Variants in ACO2 observed in about 807,000 individuals in gnomAD.
The protein encoded by ACO2 is aconitate hydratase, mitochondrial.
Under a neutral mutation model 84.5 loss-of-function variants are expected in ACO2, and 31 were observed. The observed-to-expected ratio is 0.37, with a 90% CI of 0.28 to 0.50. ACO2 has a LOEUF of 0.50. Ranked by LOEUF, ACO2 falls within the 20% of genes least tolerant of loss-of-function variation. ACO2 has a pLI of 0.97. For synonymous variants in ACO2, 414 were observed against 412.7 expected (o/e 1.00, Z -0.04); for missense variants, 685 against 1,029.3 (o/e 0.67, Z 4.58).
chr22:41,487,952 C>A (rs779489570), intron 1 of ACO2, among the ~76,000 whole-genome samples: 7 of 152,152 alleles, frequency 4.6e-5, no homozygotes, highest in Non-Finnish European at 8.8e-5. Context: ...TTCAGCAAAT[C>A]CTACTATTAT....
intron 1 of ACO2, among the ~76,000 whole-genome samples, chr22:41,478,783 T>TC (rs1161353453): frequency 3.5e-4 from 53 of 150,056 alleles, no homozygotes; most frequent in African/African-American, 1.2e-3. Flanking sequence ...TTTTTTTTTT[T>TC]TGAGAAGGAG....
intron 17 of ACO2, 24 bp downstream of exon 17, chr22:41,528,046 G>A: frequency 6.2e-7 from 1 of 1,613,894 alleles, no homozygotes; most frequent in South Asian, 1.1e-5. Flanking sequence ...GTCCCCCTGA[G>A]GTGGTGGGGT....
At chr22:41,477,975 G>C (rs1015440742) in intron 1 of ACO2, among the ~76,000 whole-genome samples, 87 of 151,652 alleles carry the variant, frequency 5.7e-4, no homozygotes, top group Admixed American at 4.9e-3. Flanking sequence ...TGAGGCAGAA[G>C]AATCGCTTGA....
chr22:41,473,986 A>G lies in ACO2; in HGVS notation c.36+4804A>G, dbSNP rs547955700. ...AGTGAAAACTGGGAGATTTTAAGCCAGGGAGTGATGTGATCTGATCATCTG... is the reference window on the plus strand; with the variant it reads ...AGTGAAAACTGGGAGATTTTAAGCCGGGGAGTGATGTGATCTGATCATCTG... On this transcript the variant is annotated intron_variant, in intron 1 of 17. Transcript: ENST00000216254. 2.0e-5 allele frequency among the ~76,000 whole-genome samples: 3 copies of G among 152,238 alleles called. No individual in the cohort carries two copies. The East Asian group carries it at 5.8e-4, about 29-fold the overall frequency.
chr22:41,474,289 A>AT (rs755814518), intron 1 of ACO2, among the ~76,000 whole-genome samples: 8,661 of 119,154 alleles, frequency 0.073, 1,069 homozygotes, highest in East Asian at 0.43. Context: ...GTTTGCAGTC[A>AT]TTTTTTTTTT....
intron 1 of ACO2, among the ~76,000 whole-genome samples, chr22:41,480,005 A>G (rs2038068485): frequency 6.6e-6 from 1 of 152,230 alleles, no homozygotes; most frequent in Non-Finnish European, 1.5e-5. Flanking sequence ...AAAGGACTGC[A>G]TCACTTTTGT....
chr22:41,499,680 C>T, intron 1 of ACO2, 46 bp from the exon 2 acceptor site: 1 of 1,599,624 alleles, frequency 6.3e-7, no homozygotes. Context: ...GGGATGGACT[C>T]TCCTAAGTGC....
intron 1 of ACO2, among the ~76,000 whole-genome samples, chr22:41,477,518 G>T (rs976189558): frequency 6.6e-6 from 1 of 152,028 alleles, no homozygotes; most frequent in Non-Finnish European, 1.5e-5. Context: ...TTGGAGCCAG[G>T]CCTGGAATTC....
chr22:41,472,032 T>TG (rs2037951921), intron 1 of ACO2, among the ~76,000 whole-genome samples: 2 of 152,234 alleles, frequency 1.3e-5, no homozygotes, highest in Admixed American at 6.5e-5. Flanking sequence ...GAACCCTGCC[T>TG]GGTACTTAAT....
At chr22:41,484,692 T>C (rs2038130408) in intron 1 of ACO2, among the ~76,000 whole-genome samples, 1 of 152,036 alleles carries the variant, frequency 6.6e-6, no homozygotes, top group African/African-American at 2.4e-5. Flanking sequence ...ATACTTGCTA[T>C]TCTTTGGGAA....
chr22:41,517,742 C>T lies in ACO2; in HGVS notation c.940+111C>T. On this transcript the variant is annotated intron_variant, in intron 7 of 17. Coordinates refer to ENST00000216254, the MANE Select transcript of ACO2 (RefSeq NM_001098.3). ...GCAGGGGTTCTTAACCCATTGTCTC[C>T]AGACAGGCGTCCGAGGCTCTGAGAA... 4 of 928,956 alleles carry T rather than the reference C, an allele frequency of 4.3e-6. No individual in the cohort carries two copies. In the Admixed American group the frequency reaches 6.0e-5, roughly 14 times the overall value. The allele number at this position is 928,956 out of a possible 1,614,324, so 57.5% of individuals were successfully genotyped here.
chr22:41,495,657 G>T (rs2066307727), intron 1 of ACO2, among the ~76,000 whole-genome samples: 1 of 145,428 alleles, frequency 6.9e-6, no homozygotes, highest in Non-Finnish European at 1.5e-5. Flanking sequence ...GTCTTGCTCT[G>T]TCGTCCAGGC....
Position 41,525,448 on chromosome 22 carries a change from C to T in ACO2, c.1761+100C>T. ...TGAACCTGGAGGAAGTGAGCACAGTCAAGACGCAGGTGGGAGATGGAAGGG... is the reference window on the plus strand; with the variant it reads ...TGAACCTGGAGGAAGTGAGCACAGTTAAGACGCAGGTGGGAGATGGAAGGG... On this transcript the variant is annotated intron_variant, in intron 14 of 17. Coordinates refer to ENST00000216254, the MANE Select transcript of ACO2 (RefSeq NM_001098.3). 4 of 1,454,278 alleles carry T rather than the reference C, an allele frequency of 2.8e-6. No individual in the cohort carries two copies. The South Asian group carries it at 3.8e-5, about 14-fold the overall frequency. 90.1% of individuals were successfully genotyped at this position (1,454,278 alleles called of 1,614,324 possible). A position where few individuals can be genotyped will look rare whatever the true frequency, so the allele number is the denominator to read the frequency against.
intron 13 of ACO2, 88 bp from the exon 14 acceptor site, chr22:41,525,105 T>C: frequency 6.3e-7 from 1 of 1,592,802 alleles, no homozygotes; most frequent in Non-Finnish European, 8.6e-7. Flanking sequence ...GGAGGGGAGG[T>C]GGGGCCCGAG....
intron 1 of ACO2, among the ~76,000 whole-genome samples, chr22:41,473,422 T>C (rs2037969500): frequency 6.6e-6 from 1 of 152,194 alleles, no homozygotes; most frequent in South Asian, 2.1e-4. Context: ...GAGAATCACT[T>C]GAACCCAGGA....
intron 1 of ACO2, among the ~76,000 whole-genome samples, chr22:41,485,602 G>A (rs1249869132): frequency 6.6e-6 from 1 of 151,838 alleles, no homozygotes; most frequent in Non-Finnish European, 1.5e-5. Flanking sequence ...CACCACGCCC[G>A]GCAAATTTTT....
At chr22:41,489,174 C>T (rs1254059935) in intron 1 of ACO2, among the ~76,000 whole-genome samples, 1 of 152,106 alleles carries the variant, frequency 6.6e-6, no homozygotes, top group Non-Finnish European at 1.5e-5. Context: ...TCTCAGGGAG[C>T]TGGGACTACA....
Position 41,500,488 on chromosome 22 carries a change from G to A in ACO2, c.173+626G>A, listed in dbSNP as rs549757133. 4.6e-5 allele frequency among the ~76,000 whole-genome samples: 7 copies of A among 150,934 alleles called. No individual in the cohort carries two copies. In the South Asian group the frequency reaches 1.3e-3, roughly 27 times the overall value. ...CAACCTCTGTCTCCCCAGTTGGAAC[G>A]ATTCTTGTGCCTCAGCTTCCTGAGT... is the stretch of plus-strand genomic sequence containing the variant. On this transcript the variant is annotated intron_variant, in intron 2 of 17. Transcript: ENST00000216254.
At chr22:41,525,039 C>T (rs180833318) in intron 13 of ACO2, 71 bp downstream of exon 13, 3 of 1,611,330 alleles carry the variant, frequency 1.9e-6, no homozygotes, top group East Asian at 4.5e-5. Flanking sequence ...CTCACAGCAC[C>T]TCCTGTGCAG....
Sources: allele counts gnomAD v4.1 joint callset (sites outside exome capture counted in the v4.1 genomes callset), GRCh38; gene constraint gnomAD v4.1.1; transcripts MANE v1.5; gene names NCBI Gene and HGNC (gene_info 2026-07-23, HGNC 2026-07-21).